Variants in CAPN13 observed in about 807,000 individuals in gnomAD.
The protein encoded by CAPN13 is calpain 13, also known as calpain-13.
CAPN13 carries 90 observed loss-of-function variants against 98.4 expected under a neutral mutation model. That is an observed-to-expected ratio of 0.92 (90% confidence interval 0.77 to 1.09). The LOEUF (loss-of-function observed/expected upper bound fraction) is 1.09. CAPN13 is among the 50% of genes least tolerant of loss of function. The pLI is 0.00. For missense variants in CAPN13, 887 were observed against 841.3 expected, an observed-to-expected ratio of 1.05 and a Z score of -0.67; for synonymous variants, 330 against 305.5, an observed-to-expected ratio of 1.08 and a Z score of -0.84.
At chr2:30,728,322 G>A (rs1401379701) in intron 22 of CAPN13, among the ~76,000 whole-genome samples, 1 of 152,008 alleles carries the variant, frequency 6.6e-6, no homozygotes, top group African/African-American at 2.4e-5. Flanking sequence ...TCTACAATGT[G>A]TGAATTATAT....
chr2:30,776,156 C>G, intron 3 of CAPN13, 111 bp from the exon 4 acceptor site: 1 of 613,534 alleles, frequency 1.6e-6, no homozygotes, highest in South Asian at 2.5e-5. Flanking sequence ...CTAAATAATG[C>G]ATTTTTTTTT....
chr2:30,791,312 C>T (rs924494087), intron 1 of CAPN13, among the ~76,000 whole-genome samples: 1 of 152,184 alleles, frequency 6.6e-6, no homozygotes, highest in Non-Finnish European at 1.5e-5. Flanking sequence ...ACTGCTGAGC[C>T]ATACAACTAT....
chr2:30,796,200 GTATA>G (rs748130186), intron 1 of CAPN13, among the ~76,000 whole-genome samples: 1 of 136,566 alleles, frequency 7.3e-6, no homozygotes, highest in Admixed American at 7.1e-5. Context: ...ATATGTGTGT[GTATA>G]TATATATACA....
chr2:30,752,196 G>A (rs1367385494), intron 10 of CAPN13, among the ~76,000 whole-genome samples: 3 of 152,192 alleles, frequency 2.0e-5, no homozygotes, highest in African/African-American at 7.2e-5. Flanking sequence ...GGACACCCTG[G>A]GTTATGGGCT....
intron 19 of CAPN13, 29 bp from the exon 20 acceptor site, chr2:30,732,595 G>C (rs1281519808): frequency 6.3e-7 from 1 of 1,595,854 alleles, no homozygotes; most frequent in Non-Finnish European, 8.5e-7. Context: ...GAGTGAGTGA[G>C]AGGAGGCTAG....
intron 15 of CAPN13, among the ~76,000 whole-genome samples, chr2:30,740,110 TTTGAGA>T (rs1671581858): frequency 8.1e-6 from 1 of 122,720 alleles, no homozygotes; most frequent in Admixed American, 8.7e-5. Flanking sequence ...TTTTTTTTTT[TTTGAGA>T]TGGAGTCTTG....
At position 30,763,196 on chromosome 2, in the gene CAPN13, A is replaced by C. The variant is rs555438806; in HGVS notation, c.700-40T>G. ...AGCAGATCAAACATTAGACATCTAC[A>C]GGTTCTTCAAAGAAATAGAAAAACA... On this transcript the variant is annotated intron_variant, in intron 6 of 22. Coordinates refer to ENST00000295055, the MANE Select transcript of CAPN13 (RefSeq NM_144575.3). The C allele has an allele frequency of 2.6e-6, 4 of 1,560,442 alleles. No individual in the cohort carries two copies. In the East Asian group the frequency reaches 9.1e-5, roughly 36 times the overall value.
chr2:30,764,180 C>G lies in CAPN13; in HGVS notation c.651G>C (p.Lys217Asn), dbSNP rs1460593249. Residue 217 changes from lysine (K) to asparagine (N), a missense_variant, in exon 6 of 23, where the codon AAG becomes AAC. Transcript: ENST00000295055. ...SSPVDLVKAV[K>N]TATKAGSLIT... Reference sequence around the variant, plus strand: ...TCAGGGAGCCTGCCTTGGTCGCTGTCTTCACTGCCTTCACCAGGTCCACAG... The same window carrying G: ...TCAGGGAGCCTGCCTTGGTCGCTGTGTTCACTGCCTTCACCAGGTCCACAG... 6.2e-7 allele frequency: 1 copy of G among 1,602,264 alleles called. No individual in the cohort carries two copies. The highest frequency in any genetic ancestry group is 1.7e-5 in the Admixed American group (1 of 58,296).
chr2:30,780,673 G>A (rs189102849), intron 2 of CAPN13, among the ~76,000 whole-genome samples: 364 of 152,300 alleles, frequency 2.4e-3, no homozygotes, highest in Non-Finnish European at 3.5e-3. Context: ...AAACATAGGA[G>A]TCATTTTCAT....
rs184790064 is a variant in CAPN13 at position 30,791,084 on chromosome 2, C to T, written c.-32-3727G>A. Reference sequence around the variant, plus strand: ...AGGCCTTGGCAGTGACTAACCCTAGCCTGATCCAACAACTCTCCTAGCCCT... The same window carrying T: ...AGGCCTTGGCAGTGACTAACCCTAGTCTGATCCAACAACTCTCCTAGCCCT... On this transcript the variant is annotated intron_variant, in intron 1 of 22. Coordinates refer to ENST00000295055, the MANE Select transcript of CAPN13 (RefSeq NM_144575.3). 5.5e-3 allele frequency among the ~76,000 whole-genome samples: 836 copies of T among 152,266 alleles called. 12 individuals carry two copies. Among genetic ancestry groups the T allele is most frequent in the African/African-American group, 0.019 (805 of 41,544 alleles).
chr2:30,773,297 T>A (rs904141983), intron 4 of CAPN13, among the ~76,000 whole-genome samples: 1 of 152,206 alleles, frequency 6.6e-6, no homozygotes, highest in Non-Finnish European at 1.5e-5. Flanking sequence ...TAAACCTAAC[T>A]GAAATATCAT....
intron 1 of CAPN13, among the ~76,000 whole-genome samples, chr2:30,787,796 A>G (rs923884223): frequency 1.3e-5 from 2 of 152,140 alleles, no homozygotes; most frequent in Non-Finnish European, 2.9e-5. Context: ...GTGTTGGATG[A>G]CATTGCCAGA....
At chr2:30,805,529 C>A (rs988426108) in intron 1 of CAPN13, among the ~76,000 whole-genome samples, 1 of 152,100 alleles carries the variant, frequency 6.6e-6, no homozygotes, top group Non-Finnish European at 1.5e-5. Flanking sequence ...CAGCACTTGC[C>A]ATGTGCTCAA....
rs776586310 is a variant in CAPN13, at chr2:30,759,957, C to G, written c.775-1820G>C. The stretch of plus-strand genomic sequence containing the variant: ...TTTCTGTTGCTTCCCTTGCCTGCCC[C>G]GCTCCCTGGCCAGTACCTCAGCAGA... On this transcript the variant is annotated intron_variant, in intron 7 of 22. Coordinates refer to ENST00000295055, the MANE Select transcript of CAPN13 (RefSeq NM_144575.3). 2.6e-5 allele frequency among the ~76,000 whole-genome samples: 4 copies of G among 152,316 alleles called. No individual in the cohort carries two copies. In the South Asian group the frequency reaches 8.3e-4, roughly 32 times the overall value.
rs1438428341 is a variant in CAPN13 at position 30,738,415 on chromosome 2, G to T, written c.1579C>A (p.Gln527Lys). The stretch of plus-strand genomic sequence containing the variant: ...CTGCTCATACCTGTTAGAAGCTCCT[G>T]GTTGAGAAGGCCCTGAAGCTGGGTG... Reference protein sequence around the residue: ...DATQLQGLLNQELLTGPPGDM... With the variant: ...DATQLQGLLNKELLTGPPGDM... Residue 527 changes from glutamine (Q) to lysine (K), a missense_variant, in exon 16 of 23, where the codon CAG becomes AAG. Gln to Lys is a moderately conservative substitution (Grantham distance 53). Transcript: ENST00000295055. 6.2e-7 allele frequency: 1 copy of T among 1,608,400 alleles called. No homozygotes were observed. Among genetic ancestry groups the T allele is most frequent in the Non-Finnish European group, 8.5e-7 (1 of 1,177,280 alleles).
intron 22 of CAPN13, among the ~76,000 whole-genome samples, chr2:30,725,313 T>G (rs547902081): frequency 7.9e-5 from 12 of 152,326 alleles, no homozygotes; most frequent in Admixed American, 2.6e-4. Context: ...GCATACACTT[T>G]GTTTAAAAGA....
chr2:30,802,250 G>T (rs1179111045), intron 1 of CAPN13, among the ~76,000 whole-genome samples: 2 of 152,056 alleles, frequency 1.3e-5, no homozygotes, highest in East Asian at 1.9e-4. Flanking sequence ...TTCTGACCAG[G>T]TGCTCGGAGA....
intron 2 of CAPN13, among the ~76,000 whole-genome samples, chr2:30,786,125 A>G (rs953528539): frequency 1.3e-5 from 2 of 152,210 alleles, no homozygotes; most frequent in Non-Finnish European, 2.9e-5. Context: ...AATACTTTAG[A>G]GGACCTCATA....
chr2:30,805,316 T>C (rs769722769), intron 1 of CAPN13, among the ~76,000 whole-genome samples: 7 of 152,178 alleles, frequency 4.6e-5, no homozygotes, highest in Admixed American at 1.3e-4. Flanking sequence ...TGGCTGGTCA[T>C]GTCTCTTTGT....
Sources: allele counts gnomAD v4.1 joint callset (sites outside exome capture counted in the v4.1 genomes callset), GRCh38; gene constraint gnomAD v4.1.1; transcripts MANE v1.5; gene names NCBI Gene and HGNC (gene_info 2026-07-23, HGNC 2026-07-21).